ATP8B4: variants seen among roughly 807,000 people sequenced by gnomAD.
The protein encoded by ATP8B4 is ATPase phospholipid transporting 8B4 (putative), also known as probable phospholipid-transporting ATPase IM.
ATP8B4 carries 133 observed loss-of-function variants against 145.6 expected under a neutral mutation model. The observed-to-expected ratio is 0.91, with a 90% CI of 0.79 to 1.05. The LOEUF is 1.05. ATP8B4 is among the 50% of genes least tolerant of loss of function. The pLI is 0.00. For missense variants in ATP8B4, 1,458 were observed against 1,425.2 expected (o/e 1.02, Z -0.37); for synonymous variants, 507 against 492.9 (o/e 1.03, Z -0.38).
intron 2 of ATP8B4, among the ~76,000 whole-genome samples, chr15:50,105,243 T>C (rs12595202): frequency 0.62 from 88,392 of 142,476 alleles, 27,377 homozygotes; most frequent in East Asian, 0.95. Context: ...CCCCAAAAAC[T>C]TACTGAAATT....
intron 1 of ATP8B4, among the ~76,000 whole-genome samples, chr15:50,133,192 C>G (rs532954906): frequency 6.6e-6 from 1 of 152,086 alleles, no homozygotes; most frequent in South Asian, 2.1e-4. Context: ...TTTGTGACAA[C>G]CTAGATCAGC....
At chr15:50,160,217 C>T (rs188187955) in intron 1 of ATP8B4, among the ~76,000 whole-genome samples, 1 of 151,568 alleles carries the variant, frequency 6.6e-6, no homozygotes, top group African/African-American at 2.4e-5. Context: ...ATGATCCTTT[C>T]CATTTCTGCA....
intron 13 of ATP8B4, among the ~76,000 whole-genome samples, chr15:49,967,406 C>G (rs1178512420): frequency 6.6e-6 from 1 of 152,112 alleles, no homozygotes; most frequent in Non-Finnish European, 1.5e-5. Context: ...GCTAGAATAA[C>G]CAGTTGGGAG....
intron 7 of ATP8B4, among the ~76,000 whole-genome samples, chr15:50,008,084 CAAACT>C (rs542448137): frequency 3.5e-4 from 54 of 152,300 alleles, no homozygotes; most frequent in Admixed American, 2.0e-3. Flanking sequence ...TCCTGTTAGA[CAAACT>C]CATTGAGCCA....
chr15:50,020,280 T>G (rs896917826), intron 6 of ATP8B4, among the ~76,000 whole-genome samples: 10 of 151,596 alleles, frequency 6.6e-5, no homozygotes, highest in Admixed American at 5.9e-4. Context: ...GTTTTTTTTT[T>G]TTTTTAGATG....
At chr15:49,950,590 T>TAAAAAA (rs766902500) in intron 14 of ATP8B4, among the ~76,000 whole-genome samples, 2 of 46,286 alleles carry the variant, frequency 4.3e-5, no homozygotes, top group African/African-American at 1.1e-4. Context: ...ATGTATTAAC[T>TAAAAAA]AAAAAAAAAA....
chr15:49,877,157 A>C (rs986167425), intron 24 of ATP8B4, among the ~76,000 whole-genome samples: 9 of 152,232 alleles, frequency 5.9e-5, no homozygotes, highest in Non-Finnish European at 1.2e-4. Flanking sequence ...AGACAGAATG[A>C]GAAGGTGGCA....
At chr15:50,049,611 T>C (rs2052015593) in intron 3 of ATP8B4, among the ~76,000 whole-genome samples, 1 of 152,212 alleles carries the variant, frequency 6.6e-6, no homozygotes, top group Admixed American at 6.5e-5. Flanking sequence ...GTAATGAACA[T>C]ACAAGTGCAT....
At chr15:49,975,365 TA>T (rs1713298196) in intron 12 of ATP8B4, among the ~76,000 whole-genome samples, 1 of 152,118 alleles carries the variant, frequency 6.6e-6, no homozygotes, top group Non-Finnish European at 1.5e-5. Flanking sequence ...ATCCCTTACA[TA>T]AAATGGCAGA....
intron 3 of ATP8B4, among the ~76,000 whole-genome samples, chr15:50,066,781 CT>C: frequency 6.6e-6 from 1 of 152,088 alleles, no homozygotes; most frequent in South Asian, 2.1e-4. Flanking sequence ...CCCCCTCTTT[CT>C]TTTTTTTACA....
At chr15:50,092,296 A>C (rs981713609) in intron 2 of ATP8B4, among the ~76,000 whole-genome samples, 1 of 152,140 alleles carries the variant, frequency 6.6e-6, no homozygotes, top group Non-Finnish European at 1.5e-5. Context: ...AATCCTCCTG[A>C]AGGAAGACAT....
intron 1 of ATP8B4, among the ~76,000 whole-genome samples, chr15:50,172,407 G>T (rs1433609071): frequency 6.6e-6 from 1 of 152,254 alleles, no homozygotes; most frequent in African/African-American, 2.4e-5. Flanking sequence ...GCCTCCGGAG[G>T]TGCCGGGATT....
At chr15:49,994,302 T>C (rs1409436037) in intron 9 of ATP8B4, among the ~76,000 whole-genome samples, 1 of 152,116 alleles carries the variant, frequency 6.6e-6, no homozygotes. Context: ...TAAAGCTTCC[T>C]CCTCACCCCA....
Position 49,897,225 on chromosome 15 carries a change from G to C in ATP8B4, c.2697+67C>G, listed in dbSNP as rs770769984. ...TTTATTAGTAAAGAGCTATGAAGAAGAGTCATTTGTAATATCATACAAAAA... is the reference window on the plus strand; with the variant it reads ...TTTATTAGTAAAGAGCTATGAAGAACAGTCATTTGTAATATCATACAAAAA... On this transcript the variant is annotated intron_variant, in intron 23 of 27. Transcript: ENST00000284509. 12 of 1,408,838 alleles carry C rather than the reference G, an allele frequency of 8.5e-6. No homozygotes were observed. In the African/African-American group the frequency reaches 1.2e-4, roughly 14 times the overall value. The allele number at this position is 1,408,838 out of a possible 1,614,324, so 87.3% of individuals were successfully genotyped here. A position where few individuals can be genotyped will look rare whatever the true frequency, so the allele number is the denominator to read the frequency against.
At chr15:50,107,218 A>T (rs1030011770) in intron 1 of ATP8B4, among the ~76,000 whole-genome samples, 2 of 152,244 alleles carry the variant, frequency 1.3e-5, no homozygotes, top group Non-Finnish European at 2.9e-5. Flanking sequence ...AGGCCGTATG[A>T]GACAACTCAA....
chr15:50,030,040 AC>A (rs970757190), intron 6 of ATP8B4, among the ~76,000 whole-genome samples: 2 of 152,186 alleles, frequency 1.3e-5, no homozygotes, highest in African/African-American at 4.8e-5. Context: ...GGTGTAGACA[AC>A]CTTTGAGCTC....
chr15:49,996,832 G>A (rs958857005), intron 8 of ATP8B4, 73 bp from the exon 9 acceptor site: 3 of 1,241,012 alleles, frequency 2.4e-6, no homozygotes, highest in African/African-American at 3.0e-5. Flanking sequence ...GCAATCAGGT[G>A]GGTGTAGCAC....
intron 6 of ATP8B4, among the ~76,000 whole-genome samples, chr15:50,011,574 C>T (rs907948383): frequency 1.3e-5 from 2 of 152,080 alleles, no homozygotes; most frequent in Admixed American, 6.6e-5. Context: ...TATGATGGAG[C>T]CCCAAGACCA....
chr15:50,017,256 T>C (rs888354970), intron 6 of ATP8B4, among the ~76,000 whole-genome samples: 5 of 152,202 alleles, frequency 3.3e-5, no homozygotes, highest in African/African-American at 1.2e-4. Flanking sequence ...CTATTAAAAA[T>C]ATTCTACAGA....
Sources: gnomAD v4.1 joint callset for allele counts (sites outside exome capture counted in the v4.1 genomes callset) on GRCh38, gnomAD v4.1.1 for gene constraint, MANE v1.5 for transcripts, NCBI Gene and HGNC (gene_info 2026-07-23, HGNC 2026-07-21) for gene names.